The following PARP10 variants were observed in gnomAD, a reference collection of about 807,000 sequenced individuals.
PARP10 encodes protein mono-ADP-ribosyltransferase PARP10.
A neutral mutation model predicts 82.4 loss-of-function variants in PARP10; 56 were observed. The observed-to-expected ratio is 0.68, with a 90% CI of 0.55 to 0.85. The LOEUF (loss-of-function observed/expected upper bound fraction) is 0.85. Among genes scored for constraint, PARP10 ranks in the 40% least tolerant of loss-of-function variants. The probability of loss-of-function intolerance (pLI) is 0.00; values close to 1 mark genes in which losing one functional copy is unlikely to be tolerated. For synonymous variants in PARP10, 576 were observed against 601.1 expected (o/e 0.96, Z 0.61); for missense variants, 1,227 against 1,379.4 (o/e 0.89, Z 1.75).
At chr8:144,001,067 C>G (rs1373043435) in intron 1 of PARP10, among the ~76,000 whole-genome samples, 6 of 151,926 alleles carry the variant, frequency 3.9e-5, no homozygotes, top group South Asian at 4.2e-4. Context: ...GCGCCTGCCA[C>G]CACGCCTGGC....
intron 1 of PARP10, among the ~76,000 whole-genome samples, chr8:144,001,113 A>C (rs1834199543): frequency 6.6e-6 from 1 of 151,556 alleles, no homozygotes; most frequent in Non-Finnish European, 1.5e-5. Context: ...ACGAGGTTTC[A>C]CCGTGTTAGC....
upstream of PARP10, chr8:143,986,718 C>G (rs1833998417): frequency 2.3e-6 from 1 of 430,332 alleles, no homozygotes; most frequent in Non-Finnish European, 4.3e-6. Flanking sequence ...GCCTCCATGG[C>G]CTGAAAATGG....
At chr8:144,003,079 TAA>T (rs1834212855) in intron 1 of PARP10, among the ~76,000 whole-genome samples, 1 of 152,110 alleles carries the variant, frequency 6.6e-6, no homozygotes. Flanking sequence ...CACAAAGGAC[TAA>T]GACAGAACCA....
Position 143,983,014 on chromosome 8 carries a change from T to C in PARP10, c.2474A>G (p.Glu825Gly), listed in dbSNP as rs1554748084. The C allele has an allele frequency of 6.2e-7, 1 of 1,613,948 alleles. No homozygotes were observed. The highest frequency in any genetic ancestry group is 1.7e-5 in the Admixed American group (1 of 60,024). The change falls in exon 9 of 11, where the codon GAG becomes GGG. Residue 825 changes from glutamate to glycine, a missense_variant. Glu to Gly is a moderately conservative substitution (Grantham distance 98). Transcript: ENST00000313028. ...CACCTCCTGGAACTCCCCGGTGTTC[T>C]CTGCCAGACGCTCCAGGTTGTTCCA... ...GPWNNLERLA[E>G]NTGEFQEVVR...
At chr8:143,981,595 ATGG>A (rs1833863987) in intron 9 of PARP10, among the ~76,000 whole-genome samples, 1 of 14,322 alleles carries the variant, frequency 7.0e-5, no homozygotes, top group East Asian at 2.0e-3. Context: ...GGTGGTGATG[ATGG>A]TGGTGACGAC....
In PARP10 at chr8:143,977,802, G is replaced by A. The variant is rs1378319046; in HGVS notation, c.2760C>T (p.Phe920=). 6.2e-7 allele frequency: 1 copy of A among 1,601,552 alleles called. No homozygotes were observed. Among genetic ancestry groups the A allele is most frequent in the Non-Finnish European group, 8.5e-7 (1 of 1,174,598 alleles). ...GCACCGACAGGGAGGCGCGCCTGGC[G>A]AAATACACGCCCTTCCCGTAGACCG... ...NATVYGKGVY[F]ARRASLSVQD... is the part of the protein sequence containing the mutation. Residue 920 remains phenylalanine, a synonymous_variant, in exon 11 of 11, where the codon TTC becomes TTT. Transcript: ENST00000313028.
At position 143,983,652 on chromosome 8, in the gene PARP10, G is replaced by A. The variant is rs368400835; in HGVS notation, c.1937C>T (p.Ala646Val). 1.3e-4 allele frequency: 216 copies of A among 1,608,032 alleles called. No homozygotes were observed. The highest frequency in any genetic ancestry group is 6.6e-4 in the Middle Eastern group (4 of 6,074). The stretch of plus-strand genomic sequence containing the variant: ...GGCCTCCTCCTCCAGCCACCTGGGT[G>A]CCACAGTGCTGGGGGCCACAGGCTC... Reference protein sequence around the residue: ...EEEPVAPSTVAPRWLEEEAAL... With the variant: ...EEEPVAPSTVVPRWLEEEAAL... The change falls in exon 8 of 11, where the codon GCA (alanine) becomes GTA (valine). Residue 646 changes from alanine to valine, a missense_variant. Transcript: ENST00000313028.
At chr8:143,992,778 G>C, upstream of PARP10, 1 of 1,613,884 alleles carries the variant, frequency 6.2e-7, no homozygotes, top group Non-Finnish European at 8.5e-7. Context: ...CGCTGAACCT[G>C]TACACAGACA....
rs1024968117 is a variant in PARP10 at position 143,985,335 on chromosome 8, G to A, written c.674-7C>T. ...TGCAACACTCGTTCTGCCACTTGGA[G>A]GAAGGGAAAGGACAGAAAGCCTGTC... is the stretch of plus-strand genomic sequence containing the variant. On this transcript the variant is annotated splice_region_variant and splice_polypyrimidine_tract_variant and intron_variant, in intron 4 of 10. Transcript: ENST00000313028. 1 of 1,598,588 alleles carries A rather than the reference G, an allele frequency of 6.3e-7. No individual in the cohort carries two copies. Among genetic ancestry groups the A allele is most frequent in the Non-Finnish European group, 8.5e-7 (1 of 1,171,846 alleles).
At chr8:143,991,226 G>A, upstream of PARP10, 2 of 1,576,574 alleles carry the variant, frequency 1.3e-6, no homozygotes, top group South Asian at 1.2e-5. Context: ...CCGAGGCCAT[G>A]TCCCATGAAA....
chr8:143,993,100 A>C (rs1343293796), upstream of PARP10: 9 of 465,906 alleles, frequency 1.9e-5, no homozygotes, highest in Admixed American at 3.0e-4. Flanking sequence ...CCTCCTGTCT[A>C]CTCATTGTTG....
upstream of PARP10, chr8:143,991,721 G>A: frequency 6.2e-7 from 1 of 1,613,650 alleles, no homozygotes; most frequent in South Asian, 1.1e-5. Flanking sequence ...CCAGGAGGAG[G>A]GTCCCCCATC....
At chr8:144,010,809 T>TG (rs1263303085) in intron 1 of PARP10, among the ~76,000 whole-genome samples, 3 of 152,068 alleles carry the variant, frequency 2.0e-5, no homozygotes, top group Non-Finnish European at 4.4e-5. Context: ...CGCTTGAGCA[T>TG]GGGAGGTCGA....
intron 9 of PARP10, among the ~76,000 whole-genome samples, chr8:143,981,192 G>T (rs116128219): frequency 6.6e-6 from 1 of 152,158 alleles, no homozygotes; most frequent in Non-Finnish European, 1.5e-5. Flanking sequence ...AGGTCAGTGC[G>T]TCTGGGTGGT....
chr8:143,992,967 C>T (rs1389292741), upstream of PARP10: 6 of 757,454 alleles, frequency 7.9e-6, no homozygotes, highest in Non-Finnish European at 6.4e-6. Context: ...AAAAGGATGC[C>T]TCTCTCCAAC....
Position 143,986,446 on chromosome 8 carries a change from C to A in PARP10, c.-87G>T. On this transcript the variant is annotated 5_prime_UTR_variant, in exon 1 of 11. Coordinates refer to ENST00000313028, the MANE Select transcript of PARP10 (RefSeq NM_032789.5). ...TCAGCAAGCCTAACCCTGCTGGGAG[C>A]AGGAAAACAAAAGTGAAACTGAAAG... 2 of 1,606,604 alleles carry A rather than the reference C, an allele frequency of 1.2e-6. No individual in the cohort carries two copies. Among genetic ancestry groups the A allele is most frequent in the Non-Finnish European group, 1.7e-6 (2 of 1,173,760 alleles).
rs149607630 is a variant in PARP10, at chr8:144,006,121, C to G, written c.-80+6409G>C. 2.0e-5 allele frequency among the ~76,000 whole-genome samples: 3 copies of G among 152,248 alleles called. No homozygotes were observed. The East Asian group carries it at 5.8e-4, about 29-fold the overall frequency. On this transcript the variant is annotated intron_variant, in intron 1 of 3. Coordinates refer to the PARP10 transcript ENST00000530478. ...CCTGGCTGCCTTGGGCATTTCCTGG[C>G]AATATAAACAGAGCCAGAGAGAGAG...
chr8:144,005,379 A>G (rs1325184715), intron 1 of PARP10, among the ~76,000 whole-genome samples: 1 of 152,144 alleles, frequency 6.6e-6, no homozygotes, highest in African/African-American at 2.4e-5. Context: ...TATTTGCTCC[A>G]CAAAGATTTA....
intron 1 of PARP10, among the ~76,000 whole-genome samples, chr8:144,012,190 C>G (rs886965439): frequency 6.6e-5 from 10 of 152,182 alleles, no homozygotes; most frequent in Middle Eastern, 6.3e-3. Flanking sequence ...GGAAACCCAG[C>G]GGGCAGCAAT....
Sources: gnomAD v4.1 joint callset for allele counts (sites outside exome capture counted in the v4.1 genomes callset) on GRCh38, gnomAD v4.1.1 for gene constraint, MANE v1.5 for transcripts, NCBI Gene and HGNC (gene_info 2026-07-23, HGNC 2026-07-21) for gene names.